Variants in CDH4 observed in about 807,000 individuals in gnomAD.
CDH4 encodes the protein cadherin-4.
Under a neutral mutation model 86.0 loss-of-function variants are expected in CDH4, and 33 were observed. That is an observed-to-expected ratio of 0.38 (90% CI 0.29 to 0.51). CDH4 has a LOEUF of 0.51. CDH4 is among the 20% of genes least tolerant of loss of function. CDH4 has a pLI of 0.86. For synonymous variants in CDH4, 555 were observed against 549.4 expected, an observed-to-expected ratio of 1.01 and a Z score of -0.14; for missense variants, 1,114 against 1,307.4, an observed-to-expected ratio of 0.85 and a Z score of 2.28.
Position 61,332,415 on chromosome 20 carries a change from G to A in CDH4, c.169+77478G>A, listed in dbSNP as rs538414161. 2.0e-5 allele frequency among the ~76,000 whole-genome samples: 3 copies of A among 152,298 alleles called. No individual in the cohort carries two copies. In the East Asian group the frequency reaches 5.8e-4, roughly 30 times the overall value. On this transcript the variant is annotated intron_variant, in intron 2 of 15. Coordinates refer to ENST00000614565, the MANE Select transcript of CDH4 (RefSeq NM_001794.5). ...TGCTGCCTCCCATGCCCTCAACAGT[G>A]CAAGGATTCGTGTGATCCCAGAAGG... is the stretch of plus-strand genomic sequence containing the variant.
intron 4 of CDH4, among the ~76,000 whole-genome samples, chr20:61,841,890 T>C (rs975246185): frequency 5.9e-5 from 9 of 152,176 alleles, no homozygotes; most frequent in Non-Finnish European, 1.2e-4. Flanking sequence ...CATCTCCCTC[T>C]TCCTATACGG....
At chr20:61,633,623 G>C (rs569857849) in intron 2 of CDH4, among the ~76,000 whole-genome samples, 5 of 152,300 alleles carry the variant, frequency 3.3e-5, no homozygotes, top group East Asian at 3.9e-4. Context: ...CATCTATCAT[G>C]GTGGTAAAAA....
intron 2 of CDH4, among the ~76,000 whole-genome samples, chr20:61,538,899 G>C (rs2086018374): frequency 6.6e-6 from 1 of 152,236 alleles, no homozygotes; most frequent in Admixed American, 6.5e-5. Context: ...GTTTGTGCAG[G>C]GGGTGGGGAG....
intron 2 of CDH4, among the ~76,000 whole-genome samples, chr20:61,677,833 G>A (rs2087461670): frequency 6.6e-6 from 1 of 151,856 alleles, no homozygotes; most frequent in South Asian, 2.1e-4. Flanking sequence ...GTGGATGGAG[G>A]ACAGATGATA....
intron 2 of CDH4, among the ~76,000 whole-genome samples, chr20:61,488,176 T>C (rs1005994815): frequency 2.0e-5 from 3 of 152,330 alleles, no homozygotes; most frequent in Admixed American, 2.0e-4. Context: ...CTACTATTGC[T>C]GCATTTCCCA....
At chr20:61,317,319 T>G (rs2084482156) in intron 2 of CDH4, among the ~76,000 whole-genome samples, 1 of 152,194 alleles carries the variant, frequency 6.6e-6, no homozygotes, top group African/African-American at 2.4e-5. Flanking sequence ...CACGCCATTC[T>G]CCTGCCTCAG....
intron 2 of CDH4, among the ~76,000 whole-genome samples, chr20:61,430,408 T>C (rs1027463690): frequency 1.3e-5 from 2 of 152,176 alleles, no homozygotes; most frequent in Non-Finnish European, 2.9e-5. Flanking sequence ...AGGCCATTTA[T>C]AGTGCAGAAG....
chr20:61,526,349 C>T (rs2085910152), intron 2 of CDH4, among the ~76,000 whole-genome samples: 1 of 152,182 alleles, frequency 6.6e-6, no homozygotes, highest in South Asian at 2.1e-4. Flanking sequence ...GTCCCCCACC[C>T]AGCCTTCCTG....
intron 3 of CDH4, among the ~76,000 whole-genome samples, chr20:61,766,654 C>T (rs929597305): frequency 6.6e-6 from 1 of 152,140 alleles, no homozygotes; most frequent in African/African-American, 2.4e-5. Flanking sequence ...AGCCATGCTC[C>T]ACGCAGCTCT....
In CDH4 at chr20:61,902,354, CTA is replaced by C. The variant is rs2122895769; in HGVS notation, c.1188+7309_1188+7310del. Among the ~76,000 whole-genome samples the C allele has an allele frequency of 6.6e-6, 1 of 152,380 alleles. No homozygotes were observed. The highest frequency in any genetic ancestry group is 1.9e-4 in the East Asian group (1 of 5,184). On this transcript the variant is annotated intron_variant, in intron 8 of 15. Transcript: ENST00000614565. The surrounding 1 kb of genome is among the most constrained non-coding windows in gnomAD (Gnocchi z 4.6). The stretch of plus-strand genomic sequence containing the variant: ...TTCACCAGCCACGGAGACCCGGGGT[CTA>C]TGGGCAGTGCCCTAAATGCCAGCCA...
At chr20:61,550,188 GC>G (rs1264558909) in intron 2 of CDH4, among the ~76,000 whole-genome samples, 1 of 139,858 alleles carries the variant, frequency 7.2e-6, no homozygotes, top group African/African-American at 2.6e-5. Flanking sequence ...TCCCTAGCCT[GC>G]TTCCCTGGCC....
intron 2 of CDH4, among the ~76,000 whole-genome samples, chr20:61,657,300 A>G (rs2087202768): frequency 6.6e-6 from 1 of 152,236 alleles, no homozygotes; most frequent in South Asian, 2.1e-4. Flanking sequence ...TGAATTACGT[A>G]CGCAGAAGGA....
chr20:61,831,145 G>A (rs532044110), intron 4 of CDH4, among the ~76,000 whole-genome samples: 38 of 152,314 alleles, frequency 2.5e-4, no homozygotes, highest in Admixed American at 1.6e-3. Context: ...TCACACTGGC[G>A]TTATGTCCCT....
At chr20:61,701,044 C>T (rs988887966) in intron 2 of CDH4, among the ~76,000 whole-genome samples, 4 of 152,310 alleles carry the variant, frequency 2.6e-5, no homozygotes, top group East Asian at 1.9e-4. Flanking sequence ...GCCGAGGCAT[C>T]GGCAGGGGTG....
At chr20:61,275,587 AC>A (rs2084226582) in intron 2 of CDH4, among the ~76,000 whole-genome samples, 1 of 120,810 alleles carries the variant, frequency 8.3e-6, no homozygotes, top group Non-Finnish European at 1.6e-5. Context: ...TTGGGGGAGT[AC>A]CATGCGCAGT....
In CDH4 at chr20:61,676,034, C is replaced by T. The variant is rs190587263; in HGVS notation, c.170-67529C>T. On this transcript the variant is annotated intron_variant, in intron 2 of 15. Coordinates refer to ENST00000614565, the MANE Select transcript of CDH4 (RefSeq NM_001794.5). This position sits in a 1 kb window ranked among gnomAD's most constrained non-coding sequence, Gnocchi z 4.5. ...GCACTGCCTGCTTAGGACCCTCAGA[C>T]GGCCTCAGGATGTCACAGATAATGT... Among the ~76,000 whole-genome samples, 223 of 152,306 alleles carry T rather than the reference C, an allele frequency of 1.5e-3. No individual in the cohort carries two copies. The highest frequency in any genetic ancestry group is 4.8e-3 in the African/African-American group (199 of 41,566).
intron 2 of CDH4, chr20:61,499,490 A>T: frequency 7.8e-7 from 1 of 1,289,122 alleles, no homozygotes; most frequent in Non-Finnish European, 1.0e-6. Context: ...TGCTTTAAAG[A>T]AGGCAAGTGT....
chr20:61,437,600 C>G (rs2085291192), intron 2 of CDH4: 1 of 152,140 alleles, frequency 6.6e-6, no homozygotes, highest in Admixed American at 6.5e-5. Flanking sequence ...CTGGCTGGGC[C>G]GTCTTTTACA....
rs58600027 is a variant in CDH4, at chr20:61,843,367, G to A, written c.577-1301G>A. ...CAGGAGGCTGAGGCAGGAGAATGGC[G>A]TGAACCCAGGAAGCGGAGCTTGCAG... is the stretch of plus-strand genomic sequence containing the variant. On this transcript the variant is annotated intron_variant, in intron 4 of 15. Transcript: ENST00000614565. Among the ~76,000 whole-genome samples, 920 of 147,254 alleles carry A rather than the reference G, an allele frequency of 6.2e-3. 30 individuals are homozygous for A. The East Asian group carries it at 0.11, about 18-fold the overall frequency.
Sources: allele counts gnomAD v4.1 joint callset (sites outside exome capture counted in the v4.1 genomes callset), GRCh38; gene constraint gnomAD v4.1.1; non-coding constraint Gnocchi (gnomAD v3.1); transcripts MANE v1.5; gene names NCBI Gene and HGNC (gene_info 2026-07-23, HGNC 2026-07-21).